Variants in SLC35D2 observed in about 807,000 individuals in gnomAD.
The protein encoded by SLC35D2 is nucleotide sugar transporter SLC35D2.
SLC35D2 carries 43 observed loss-of-function variants against 41.8 expected under a neutral mutation model. That is an observed-to-expected ratio of 1.03 (90% confidence interval 0.81 to 1.33). The LOEUF (loss-of-function observed/expected upper bound fraction) is 1.33, where lower values mean the gene tolerates loss of function less well. Ranked by LOEUF, SLC35D2 falls within the 40% of genes most tolerant of loss-of-function variation. The probability of loss-of-function intolerance (pLI) is 0.00; values close to 1 mark genes in which losing one functional copy is unlikely to be tolerated. For synonymous variants in SLC35D2, 150 were observed against 163.9 expected, an observed-to-expected ratio of 0.92 and a Z score of 0.65; for missense variants, 380 against 408.4, an observed-to-expected ratio of 0.93 and a Z score of 0.60.
chr9:96,319,502 A>AT (rs967906175), downstream of SLC35D2, among the ~76,000 whole-genome samples: 4 of 102,930 alleles, frequency 3.9e-5, no homozygotes, highest in African/African-American at 1.3e-4. Flanking sequence ...TTTTACCACA[A>AT]TTTAAAAAAA....
chr9:96,359,653 C>T (rs546354827), intron 4 of SLC35D2, among the ~76,000 whole-genome samples: 24 of 151,666 alleles, frequency 1.6e-4, no homozygotes, highest in Admixed American at 1.3e-3. Flanking sequence ...TAAGGTTGCA[C>T]TCCAACCTGG....
intron 3 of SLC35D2, among the ~76,000 whole-genome samples, chr9:96,363,851 C>T (rs564190556): frequency 1.2e-4 from 18 of 152,296 alleles, no homozygotes; most frequent in Non-Finnish European, 2.5e-4. Flanking sequence ...TGAATAATTA[C>T]AAGAGATGGT....
rs1175107003 is a variant in SLC35D2, at chr9:96,336,711, T to C, written c.752+6A>G. The C allele has an allele frequency of 1.9e-6, 3 of 1,551,714 alleles. No homozygotes were observed. Among genetic ancestry groups the C allele is most frequent in the Non-Finnish European group, 2.7e-6 (3 of 1,130,942 alleles). ...CCAATGCTTCTACTTATCTATGGTT[T>C]CTTACCCCAAAAAACAGGAAAGAAG... On this transcript the variant is annotated splice_donor_region_variant and intron_variant, in intron 9 of 11. Transcript: ENST00000253270.
rs60556161 is a variant in SLC35D2 at position 96,342,289 on chromosome 9, TTAC to T, written c.684+1612_684+1614del. Among the ~76,000 whole-genome samples the T allele has an allele frequency of 2.5e-3, 376 of 152,224 alleles. 1 individual carries two copies. Among genetic ancestry groups the T allele is most frequent in the African/African-American group, 8.4e-3 (351 of 41,544 alleles). ...CCATGCCTGGCTTATTTTTGTATTTTTACTACTACTAAAAATACTCTCTACAAA... is the reference window on the plus strand; with the variant it reads ...CCATGCCTGGCTTATTTTTGTATTTTTACTACTAAAAATACTCTCTACAAA... On this transcript the variant is annotated intron_variant, in intron 8 of 11. Coordinates refer to ENST00000253270, the MANE Select transcript of SLC35D2 (RefSeq NM_007001.3).
chr9:96,376,554 A>T (rs1424792990), intron 1 of SLC35D2, among the ~76,000 whole-genome samples: 1 of 152,184 alleles, frequency 6.6e-6, no homozygotes, highest in African/African-American at 2.4e-5. Context: ...GATTGCAGTG[A>T]GCCGAGATCG....
At chr9:96,334,953 CATTAA>C (rs796851186) in intron 9 of SLC35D2, among the ~76,000 whole-genome samples, 20 of 152,276 alleles carry the variant, frequency 1.3e-4, no homozygotes, top group African/African-American at 4.6e-4. Flanking sequence ...AACATTAAAT[CATTAA>C]ATCAGACACA....
At chr9:96,327,165 T>A (rs146832147) in intron 9 of SLC35D2, among the ~76,000 whole-genome samples, 1 of 152,358 alleles carries the variant, frequency 6.6e-6, no homozygotes, top group East Asian at 1.9e-4. Flanking sequence ...TGTTCTTTAT[T>A]TCCACTTTTG....
chr9:96,321,510 T>C (rs1291212858), intron 11 of SLC35D2, among the ~76,000 whole-genome samples, 169 bp from the exon 12 acceptor site: 1 of 152,170 alleles, frequency 6.6e-6, no homozygotes, highest in Non-Finnish European at 1.5e-5. Flanking sequence ...TCCCCTTATT[T>C]ACAAGCCTTT....
chr9:96,322,171 T>C, intron 10 of SLC35D2, 91 bp from the exon 11 acceptor site: 3 of 812,540 alleles, frequency 3.7e-6, no homozygotes, highest in Non-Finnish European at 6.2e-6. Flanking sequence ...ACATTTTAGT[T>C]ACTTTGCATA....
chr9:96,364,565 A>C lies in SLC35D2; in HGVS notation c.193-15T>G. 1 of 1,508,742 alleles carries C rather than the reference A, an allele frequency of 6.6e-7. No homozygotes were observed. Among genetic ancestry groups the C allele is most frequent in the Non-Finnish European group, 9.2e-7 (1 of 1,087,344 alleles). The allele number at this position is 1,508,742 out of a possible 1,614,324, so 93.5% of individuals were successfully genotyped here. On this transcript the variant is annotated splice_polypyrimidine_tract_variant and intron_variant, in intron 2 of 11. Coordinates refer to ENST00000253270, the MANE Select transcript of SLC35D2 (RefSeq NM_007001.3). ...GTGGCTGCCATCTGAAGAAAAGGGG[A>C]GAGAGAAACTTCAGCAAAATATCTG... is the stretch of plus-strand genomic sequence containing the variant.
At chr9:96,325,037 G>A (rs552668647) in intron 9 of SLC35D2, among the ~76,000 whole-genome samples, 40 of 152,168 alleles carry the variant, frequency 2.6e-4, no homozygotes, top group Middle Eastern at 3.2e-3. Context: ...TGCCTTGGAC[G>A]GAGGAGATTG....
At chr9:96,374,398 G>A (rs1304643322) in intron 1 of SLC35D2, among the ~76,000 whole-genome samples, 1 of 152,146 alleles carries the variant, frequency 6.6e-6, no homozygotes. Context: ...GCTGGGCATA[G>A]TGGCTTGCGC....
intron 9 of SLC35D2, among the ~76,000 whole-genome samples, chr9:96,332,645 G>C (rs1587841835): frequency 6.6e-6 from 1 of 151,810 alleles, no homozygotes; most frequent in South Asian, 2.1e-4. Flanking sequence ...CAGGCGCAGT[G>C]GTGGGTGCCT....
At position 96,374,271 on chromosome 9, in the gene SLC35D2, A is replaced by G. The variant is rs539424710; in HGVS notation, c.159-5966T>C. On this transcript the variant is annotated intron_variant, in intron 1 of 11. Transcript: ENST00000253270. Reference sequence around the variant, plus strand: ...ATTGGCCGGGTGTGGTGGCTCACGCACGGCCTGTAATCCCAGCACTTTGGG... The same window carrying G: ...ATTGGCCGGGTGTGGTGGCTCACGCGCGGCCTGTAATCCCAGCACTTTGGG... 2.0e-4 allele frequency among the ~76,000 whole-genome samples: 31 copies of G among 152,260 alleles called. No individual in the cohort carries two copies. The South Asian group carries it at 3.5e-3, about 17-fold the overall frequency.
chr9:96,342,382 G>A (rs1264198296), intron 8 of SLC35D2, among the ~76,000 whole-genome samples: 6 of 152,046 alleles, frequency 3.9e-5, no homozygotes, highest in African/African-American at 1.4e-4. Flanking sequence ...TGCCTGCCTC[G>A]GCCTCCCAAA....
At chr9:96,352,155 A>G (rs1829838785) in intron 4 of SLC35D2, 46 bp from the exon 5 acceptor site, 1 of 1,339,760 alleles carries the variant, frequency 7.5e-7, no homozygotes, top group Non-Finnish European at 1.1e-6. Context: ...GGGTTGGTTG[A>G]TTGGTTTTAT....
rs57775451 is a variant in SLC35D2, at chr9:96,324,549, CTT to C, written c.753-382_753-381del. Among the ~76,000 whole-genome samples the C allele has an allele frequency of 1.6e-3, 193 of 117,712 alleles. 1 individual carries two copies. The highest frequency in any genetic ancestry group is 3.9e-3 in the African/African-American group (135 of 34,304). The allele number at this position is 117,712 out of a possible 152,430, so 77.2% of individuals were successfully genotyped here. On this transcript the variant is annotated intron_variant, in intron 9 of 11. Coordinates refer to ENST00000253270, the MANE Select transcript of SLC35D2 (RefSeq NM_007001.3). ...CTGTGCCTCAGAATCGCCTGCTGCA[CTT>C]TTTTTTTTTTTTTTTGGTGGGGACG...
intron 9 of SLC35D2, among the ~76,000 whole-genome samples, chr9:96,324,638 C>T (rs1242214368): frequency 2.0e-5 from 3 of 149,492 alleles, no homozygotes; most frequent in Non-Finnish European, 4.4e-5. Flanking sequence ...CTGCAACCTC[C>T]ACCTCCTAGG....
chr9:96,382,496 C>CACACACACACACTCTATATATATATATA (rs200897475), intron 1 of SLC35D2, among the ~76,000 whole-genome samples: 2 of 127,914 alleles, frequency 1.6e-5, no homozygotes, highest in African/African-American at 5.9e-5. Context: ...CACACACACA[C>CACACACACACACTCTATATATATATATA]TATATATATA....
Sources: allele counts gnomAD v4.1 joint callset (sites outside exome capture counted in the v4.1 genomes callset), GRCh38; gene constraint gnomAD v4.1.1; transcripts MANE v1.5; gene names NCBI Gene and HGNC (gene_info 2026-07-23, HGNC 2026-07-21).